NVL: variants seen among roughly 807,000 people sequenced by gnomAD.
NVL encodes the protein nuclear valosin-containing protein-like.
A neutral mutation model predicts 110.2 loss-of-function variants in NVL; 84 were observed. That is an observed-to-expected ratio of 0.76 (90% CI 0.64 to 0.91). The LOEUF (loss-of-function observed/expected upper bound fraction) is 0.91, where lower values mean the gene tolerates loss of function less well. Among genes scored for constraint, NVL ranks in the 40% least tolerant of loss-of-function variants. The pLI is 0.00. For missense variants in NVL, 882 were observed against 1,035.9 expected (o/e 0.85, Z 2.04); for synonymous variants, 354 against 361.1 (o/e 0.98, Z 0.22).
At chr1:224,267,310 A>T (rs184081351) in intron 18 of NVL, among the ~76,000 whole-genome samples, 115 of 152,300 alleles carry the variant, frequency 7.6e-4, no homozygotes, top group African/African-American at 2.5e-3. Flanking sequence ...TTTAACTTCT[A>T]CTAGAGTGAA....
intron 17 of NVL, among the ~76,000 whole-genome samples, chr1:224,271,455 TG>T (rs1665094250): frequency 1.3e-5 from 2 of 151,968 alleles, no homozygotes; most frequent in African/African-American, 4.8e-5. Flanking sequence ...ATCACACCAC[TG>T]CACTCCAGCC....
At chr1:224,245,810 G>A (rs190305005) in intron 19 of NVL, among the ~76,000 whole-genome samples, 7 of 151,902 alleles carry the variant, frequency 4.6e-5, no homozygotes, top group Admixed American at 2.0e-4. Context: ...AAAATTAGCC[G>A]GGCGTGGTAG....
At chr1:224,286,412 G>A (rs934802466) in intron 14 of NVL, among the ~76,000 whole-genome samples, 3 of 151,934 alleles carry the variant, frequency 2.0e-5, no homozygotes, top group African/African-American at 7.3e-5. Flanking sequence ...CACCATGTTG[G>A]CCAGGCTGGT....
chr1:224,239,983 C>T (rs1267501596), intron 19 of NVL, among the ~76,000 whole-genome samples: 2 of 151,960 alleles, frequency 1.3e-5, no homozygotes, highest in South Asian at 4.1e-4. Flanking sequence ...CTGCAACTTA[C>T]GCCTCCCAGG....
chr1:224,310,302 A>G (rs1181229139), intron 5 of NVL, among the ~76,000 whole-genome samples: 1 of 152,124 alleles, frequency 6.6e-6, no homozygotes, highest in African/African-American at 2.4e-5. Context: ...ATAACGTTAT[A>G]TGCAAACATG....
chr1:224,313,854 T>C (rs1398727253), intron 4 of NVL, among the ~76,000 whole-genome samples: 3 of 151,896 alleles, frequency 2.0e-5, no homozygotes, highest in African/African-American at 4.8e-5. Context: ...CATACAAAAA[T>C]TGGCCAGCAG....
chr1:224,246,344 TAA>T (rs1290731507), intron 19 of NVL, among the ~76,000 whole-genome samples: 1 of 152,134 alleles, frequency 6.6e-6, no homozygotes, highest in Non-Finnish European at 1.5e-5. Flanking sequence ...TGGGGTACTT[TAA>T]ATATTCACCC....
intron 4 of NVL, among the ~76,000 whole-genome samples, chr1:224,315,971 G>T (rs970903342): frequency 6.6e-6 from 1 of 152,160 alleles, no homozygotes; most frequent in Non-Finnish European, 1.5e-5. Context: ...GAGGCAAGAG[G>T]ATTGCTTGAG....
intron 21 of NVL, chr1:224,232,957 G>A (rs1282198279): frequency 5.8e-5 from 21 of 360,300 alleles, no homozygotes; most frequent in East Asian, 8.9e-5. Context: ...TGAAGACAGC[G>A]AATGGATCCA....
chr1:224,229,377 T>C (rs1191237657), intron 22 of NVL, among the ~76,000 whole-genome samples: 1 of 152,130 alleles, frequency 6.6e-6, no homozygotes, highest in Non-Finnish European at 1.5e-5. Flanking sequence ...GTTGCCAATA[T>C]TTTAAATTTT....
rs981941431 is a variant in NVL, at chr1:224,317,737, C to A, written c.241G>T (p.Glu81Ter). Residue 81 changes from glutamate to a stop codon, truncating the protein, a stop_gained, in exon 4 of 23, where the codon GAA becomes TAA. Coordinates refer to ENST00000281701, the MANE Select transcript of NVL (RefSeq NM_002533.4). LOFTEE classifies it high-confidence loss of function. ...TGTCTTGCCCTTTTTGCCAAATGTT[C>A]ATCTTCTAATTCTGTTAAATTCTTA... ...ELKNLTELED[E>*]HLAKRARQGE... The A allele has an allele frequency of 1.2e-6, 2 of 1,610,152 alleles. No homozygotes were observed. Among genetic ancestry groups the A allele is most frequent in the South Asian group, 2.2e-5 (2 of 90,962 alleles).
chr1:224,237,021 A>G lies in NVL; in HGVS notation c.2290-439T>C, dbSNP rs535168461. ...GCTGTTAAGGTTTATACAAATTTCA[A>G]TGTTGAGAAATGAGGCTAAGAAGCA... On this transcript the variant is annotated intron_variant, in intron 19 of 22. Transcript: ENST00000281701. 3.9e-4 allele frequency among the ~76,000 whole-genome samples: 60 copies of G among 152,344 alleles called. 1 individual carries two copies. The highest frequency in any genetic ancestry group is 8.3e-4 in the South Asian group (4 of 4,834).
At chr1:224,240,648 GT>G in intron 19 of NVL, among the ~76,000 whole-genome samples, 1 of 152,234 alleles carries the variant, frequency 6.6e-6, no homozygotes, top group East Asian at 1.9e-4. Flanking sequence ...ATGAGGTGGG[GT>G]ATGAACTTCA....
intron 18 of NVL, among the ~76,000 whole-genome samples, chr1:224,254,044 A>G (rs572449840): frequency 6.6e-6 from 1 of 152,304 alleles, no homozygotes; most frequent in Non-Finnish European, 1.5e-5. Flanking sequence ...TTGATTAAAT[A>G]ATTTTGTAAA....
At position 224,290,038 on chromosome 1, in the gene NVL, A is replaced by G. The variant is rs535888277; in HGVS notation, c.1326-305T>C. 1.6e-4 allele frequency among the ~76,000 whole-genome samples: 24 copies of G among 152,348 alleles called. 1 individual carries two copies. Among genetic ancestry groups the G allele is most frequent in the Admixed American group, 1.4e-3 (22 of 15,298 alleles). On this transcript the variant is annotated intron_variant, in intron 12 of 22. Coordinates refer to ENST00000281701, the MANE Select transcript of NVL (RefSeq NM_002533.4). ...CAACATTACAGGGGAAATAAGATAA[A>G]TAACTTATGGGGGTACTTTTAGAGT...
intron 1 of NVL, among the ~76,000 whole-genome samples, chr1:224,328,812 A>T (rs1200056260): frequency 2.0e-5 from 3 of 152,134 alleles, no homozygotes; most frequent in African/African-American, 4.8e-5. Context: ...CACAAATTCC[A>T]CTTGGCCATT....
intron 5 of NVL, among the ~76,000 whole-genome samples, chr1:224,311,349 C>A (rs1043703795): frequency 6.0e-5 from 9 of 151,122 alleles, no homozygotes; most frequent in African/African-American, 2.2e-4. Flanking sequence ...GCGTGAGCCA[C>A]GACAGCTAGC....
intron 17 of NVL, among the ~76,000 whole-genome samples, chr1:224,272,242 G>A (rs1665192322): frequency 1.3e-5 from 2 of 151,366 alleles, no homozygotes; most frequent in African/African-American, 4.9e-5. Context: ...CTACTCAGGA[G>A]GCTGAGGCAC....
At chr1:224,246,871 A>G (rs1661882560) in intron 19 of NVL, among the ~76,000 whole-genome samples, 1 of 151,930 alleles carries the variant, frequency 6.6e-6, no homozygotes, top group African/African-American at 2.4e-5. Context: ...CCCCGTCTCT[A>G]CTAAAAATAC....
Sources: gnomAD v4.1 joint callset for allele counts (sites outside exome capture counted in the v4.1 genomes callset) on GRCh38, gnomAD v4.1.1 for gene constraint, MANE v1.5 for transcripts, NCBI Gene and HGNC (gene_info 2026-07-23, HGNC 2026-07-21) for gene names.